GALNTL6: variants seen among roughly 807,000 people sequenced by gnomAD.
GALNTL6 encodes the protein polypeptide N-acetylgalactosaminyltransferase like 6.
In GALNTL6, 46 loss-of-function variants were observed where a neutral mutation model predicts 73.7. The ratio of observed to expected loss-of-function variants is 0.62; its 90% CI spans 0.49 to 0.80. GALNTL6 has a LOEUF of 0.80. Ranked by LOEUF, GALNTL6 falls within the 30% of genes least tolerant of loss-of-function variation. GALNTL6 has a pLI of 0.00. For missense variants in GALNTL6, 604 were observed against 755.0 expected, an observed-to-expected ratio of 0.80 and a Z score of 2.34; for synonymous variants, 259 against 263.7, an observed-to-expected ratio of 0.98 and a Z score of 0.17.
chr4:172,200,817 A>G (rs1201014106), intron 2 of GALNTL6, among the ~76,000 whole-genome samples: 1 of 152,230 alleles, frequency 6.6e-6, no homozygotes, highest in African/African-American at 2.4e-5. Context: ...TTACAGGGTG[A>G]GTTATGCTTT....
chr4:172,265,270 T>C (rs1738413174), intron 3 of GALNTL6, among the ~76,000 whole-genome samples: 1 of 151,948 alleles, frequency 6.6e-6, no homozygotes, highest in African/African-American at 2.4e-5. Context: ...GGTTACAAAA[T>C]AGTCATGGAA....
chr4:172,290,251 T>C (rs1234472283), intron 3 of GALNTL6, among the ~76,000 whole-genome samples: 1 of 152,170 alleles, frequency 6.6e-6, no homozygotes, highest in Non-Finnish European at 1.5e-5. Context: ...TTTCAGTTTG[T>C]ATTTGGTTCC....
intron 5 of GALNTL6, among the ~76,000 whole-genome samples, chr4:172,534,287 A>C (rs574910360): frequency 6.6e-6 from 1 of 152,134 alleles, no homozygotes; most frequent in African/African-American, 2.4e-5. Flanking sequence ...GGCCTTCTAC[A>C]TTGCTAGAAA....
At chr4:172,371,182 T>C (rs1742795662) in intron 5 of GALNTL6, among the ~76,000 whole-genome samples, 1 of 152,244 alleles carries the variant, frequency 6.6e-6, no homozygotes. Flanking sequence ...TATCACTTAC[T>C]GAATACCCAT....
At chr4:172,437,515 G>T (rs1180814740) in intron 5 of GALNTL6, among the ~76,000 whole-genome samples, 1 of 152,050 alleles carries the variant, frequency 6.6e-6, no homozygotes, top group Non-Finnish European at 1.5e-5. Context: ...AAAAAGAAAT[G>T]TGATAAATGA....
chr4:172,866,459 G>C (rs139782569), intron 7 of GALNTL6, among the ~76,000 whole-genome samples: 1 of 152,206 alleles, frequency 6.6e-6, no homozygotes, highest in Non-Finnish European at 1.5e-5. Flanking sequence ...GATAAGAACT[G>C]TATCTAACTC....
chr4:171,926,008 T>C (rs1578978360), intron 2 of GALNTL6, among the ~76,000 whole-genome samples: 1 of 89,958 alleles, frequency 1.1e-5, no homozygotes, highest in African/African-American at 5.2e-5. Context: ...TACAAAAATA[T>C]TATTACTGAC....
chr4:172,764,000 C>A (rs1444496577), intron 5 of GALNTL6, among the ~76,000 whole-genome samples: 2 of 143,440 alleles, frequency 1.4e-5, no homozygotes, highest in Non-Finnish European at 3.0e-5. Context: ...CCCTTGTTGC[C>A]AAGGCTGGAG....
At chr4:172,866,471 T>C (rs899468547) in intron 7 of GALNTL6, among the ~76,000 whole-genome samples, 4 of 152,216 alleles carry the variant, frequency 2.6e-5, no homozygotes, top group Admixed American at 1.3e-4. Flanking sequence ...ATCTAACTCA[T>C]AGGGCGAGTT....
chr4:172,931,484 T>A (rs1239592914), intron 9 of GALNTL6, among the ~76,000 whole-genome samples: 1 of 152,242 alleles, frequency 6.6e-6, no homozygotes, highest in Admixed American at 6.5e-5. Context: ...ACATTATATT[T>A]AATCTTCACC....
intron 10 of GALNTL6, among the ~76,000 whole-genome samples, chr4:172,987,728 G>C (rs1434445915): frequency 1.2e-5 from 1 of 81,348 alleles, no homozygotes. Context: ...GTTCTTATGA[G>C]ATCTGGTTGT....
chr4:171,951,596 AT>A, intron 2 of GALNTL6, among the ~76,000 whole-genome samples: 1 of 92,634 alleles, frequency 1.1e-5, no homozygotes. Flanking sequence ...ACAACAGATA[AT>A]ATATAATTAA....
intron 2 of GALNTL6, among the ~76,000 whole-genome samples, chr4:172,121,563 C>A (rs1733151258): frequency 6.6e-6 from 1 of 152,084 alleles, no homozygotes. Flanking sequence ...CCTAGATGAA[C>A]CTGTCCTGGT....
intron 5 of GALNTL6, among the ~76,000 whole-genome samples, chr4:172,766,238 G>A (rs1331773973): frequency 6.6e-6 from 1 of 152,106 alleles, no homozygotes; most frequent in Non-Finnish European, 1.5e-5. Context: ...GTACAGTGTT[G>A]TAAGGGAATT....
chr4:172,632,662 A>G (rs1056015936), intron 5 of GALNTL6, among the ~76,000 whole-genome samples: 53 of 152,374 alleles, frequency 3.5e-4, no homozygotes, highest in African/African-American at 1.2e-3. Flanking sequence ...AGCTGCAAAA[A>G]TTTGCATAAG....
chr4:172,997,161 C>A (rs2126468732), intron 10 of GALNTL6, among the ~76,000 whole-genome samples: 1 of 152,156 alleles, frequency 6.6e-6, no homozygotes, highest in South Asian at 2.1e-4. Flanking sequence ...GGACTCACAG[C>A]CTTCTTTAAT....
intron 8 of GALNTL6, among the ~76,000 whole-genome samples, chr4:172,901,082 G>A (rs74621219): frequency 5.3e-5 from 8 of 152,284 alleles, no homozygotes; most frequent in African/African-American, 1.7e-4. Context: ...CATGGCAACA[G>A]TACTGGAAGT....
chr4:172,261,047 T>C (rs1220978237), intron 3 of GALNTL6, among the ~76,000 whole-genome samples: 1 of 151,380 alleles, frequency 6.6e-6, no homozygotes, highest in Non-Finnish European at 1.5e-5. Flanking sequence ...TCATCAAGGA[T>C]ATTAGTCTGT....
intron 5 of GALNTL6, among the ~76,000 whole-genome samples, chr4:172,774,899 G>T (rs1157052787): frequency 6.6e-6 from 1 of 151,778 alleles, no homozygotes; most frequent in Non-Finnish European, 1.5e-5. Flanking sequence ...GGCAGAGGTT[G>T]CAGTGAGCCA....
Sources: gnomAD v4.1 joint callset for allele counts (sites outside exome capture counted in the v4.1 genomes callset) on GRCh38, gnomAD v4.1.1 for gene constraint, MANE v1.5 for transcripts, NCBI Gene and HGNC (gene_info 2026-07-23, HGNC 2026-07-21) for gene names.